Variants in SMARCA4 observed in about 807,000 individuals in gnomAD.
The protein encoded by SMARCA4 is SWI/SNF related BAF chromatin remodeling complex subunit ATPase 4.
Under a neutral mutation model 193.9 loss-of-function variants are expected in SMARCA4, and 31 were observed. That is an observed-to-expected ratio of 0.16 (90% CI 0.12 to 0.22). The LOEUF (loss-of-function observed/expected upper bound fraction) is 0.22, where lower values mean the gene tolerates loss of function less well. SMARCA4 is among the 10% of genes least tolerant of loss of function. The pLI, the probability that SMARCA4 is intolerant of heterozygous loss-of-function variation, is 1.00. For synonymous variants in SMARCA4, 942 were observed against 933.1 expected, an observed-to-expected ratio of 1.01 and a Z score of -0.17; for missense variants, 1,148 against 2,296.0, an observed-to-expected ratio of 0.50 and a Z score of 10.22.
At chr19:11,027,072 C>T (rs1304862839) in intron 23 of SMARCA4, among the ~76,000 whole-genome samples, 2 of 152,218 alleles carry the variant, frequency 1.3e-5, no homozygotes, top group East Asian at 1.9e-4. Context: ...TAGATTTTCA[C>T]CATTGCAAAG....
At chr19:11,001,343 C>T (rs1261420617) in intron 11 of SMARCA4, among the ~76,000 whole-genome samples, 2 of 152,260 alleles carry the variant, frequency 1.3e-5, no homozygotes, top group East Asian at 1.9e-4. Flanking sequence ...GTGGTGTGCA[C>T]TTGCGGTCCC....
rs770573833 is a variant in SMARCA4 at position 10,985,239 on chromosome 19, T to C, written c.223-34T>C. 6.2e-7 allele frequency: 1 copy of C among 1,613,390 alleles called. No homozygotes were observed. On this transcript the variant is annotated intron_variant, in intron 2 of 34. Coordinates refer to ENST00000344626, the MANE Select transcript of SMARCA4 (RefSeq NM_003072.5). The surrounding 1 kb of genome is among the most constrained non-coding windows in gnomAD (Gnocchi z 4.5). ...CTGCGCTGCCACCTCACGTTCCACATGCTGACCCTGCCTTGCCATGGTCCC... is the reference window on the plus strand; with the variant it reads ...CTGCGCTGCCACCTCACGTTCCACACGCTGACCCTGCCTTGCCATGGTCCC...
rs1056942688 is a variant in SMARCA4 at position 10,986,711 on chromosome 19, G to T, written c.760+118G>T. ...GGTTCCCCGGTTTGGGATTGCACGG[G>T]CCCATACTGCACTTCTGGGTGCTCG... On this transcript the variant is annotated intron_variant, in intron 4 of 34. Transcript: ENST00000344626. The surrounding 1 kb of genome is among the most constrained non-coding windows in gnomAD (Gnocchi z 6.7). The T allele has an allele frequency of 6.3e-6, 9 of 1,430,726 alleles. No homozygotes were observed. Among genetic ancestry groups the T allele is most frequent in the Non-Finnish European group, 8.5e-6 (9 of 1,055,500 alleles). The allele number at this position is 1,430,726 out of a possible 1,614,324, so 88.6% of individuals were successfully genotyped here.
At chr19:11,015,760 A>C (rs1405884953) in intron 16 of SMARCA4, among the ~76,000 whole-genome samples, 5 of 152,104 alleles carry the variant, frequency 3.3e-5, no homozygotes, top group Non-Finnish European at 1.5e-5. Flanking sequence ...TAATCCCAGC[A>C]CTTTGGGAGG....
chr19:10,984,340 G>C lies in SMARCA4; in HGVS notation c.189G>C (p.Gly63=), dbSNP rs1555751018. The C allele has an allele frequency of 6.3e-7, 1 of 1,596,980 alleles. No homozygotes were observed. The highest frequency in any genetic ancestry group is 8.5e-7 in the Non-Finnish European group (1 of 1,171,934). ...GHPIPTQGPG[G]YPQDNMHQMH... ...CCATCCCCACCCAGGGGCCTGGAGG[G>C]TACCCTCAGGACAACATGCACCAGA... Residue 63 remains glycine (G), a synonymous_variant, in exon 2 of 35, where the codon GGG becomes GGC. Coordinates refer to ENST00000344626, the MANE Select transcript of SMARCA4 (RefSeq NM_003072.5). This position sits in a 1 kb window ranked among gnomAD's most constrained non-coding sequence, Gnocchi z 4.3.
intron 12 of SMARCA4, 64 bp from the exon 13 acceptor site, chr19:11,003,276 G>A (rs1489653166): frequency 1.2e-6 from 2 of 1,605,920 alleles, no homozygotes; most frequent in South Asian, 1.1e-5. Context: ...GGCAGGTTTG[G>A]TAGGGAAAGT....
intron 34 of SMARCA4, among the ~76,000 whole-genome samples, chr19:11,061,204 A>ATATAT (rs1471127800): frequency 9.3e-4 from 42 of 45,184 alleles, no homozygotes; most frequent in Admixed American, 2.1e-3. Flanking sequence ...AAAAAAAAAA[A>ATATAT]ATATATATAT....
chr19:10,968,672 T>C (rs1327577764), intron 1 of SMARCA4, among the ~76,000 whole-genome samples: 1 of 152,162 alleles, frequency 6.6e-6, no homozygotes, highest in East Asian at 1.9e-4. Context: ...AGTTTTCTCT[T>C]TGCCACTGGC....
At chr19:11,045,640 C>A (rs933937669) in intron 30 of SMARCA4, among the ~76,000 whole-genome samples, 1 of 151,562 alleles carries the variant, frequency 6.6e-6, no homozygotes, top group Non-Finnish European at 1.5e-5. Flanking sequence ...AGTGTTAGTC[C>A]ACTTTTTTTT....
chr19:10,982,286 T>C (rs1347979055), intron 1 of SMARCA4, among the ~76,000 whole-genome samples: 1 of 151,930 alleles, frequency 6.6e-6, no homozygotes, highest in African/African-American at 2.4e-5. Context: ...CCAGCCTGAA[T>C]AACATGGTGA....
In SMARCA4 at chr19:11,058,386, G is replaced by A. The variant is rs761432584; in HGVS notation, c.4533+23G>A. ...AAGGTAACCCTGACGTTGTACCTGC[G>A]CCCCGCATGTGCCCGGAGGGGAGTC... On this transcript the variant is annotated intron_variant, in intron 31 of 34. Transcript: ENST00000344626. The surrounding 1 kb of genome is among the most constrained non-coding windows in gnomAD (Gnocchi z 5.8). 2.0e-4 allele frequency: 308 copies of A among 1,515,054 alleles called. No homozygotes were observed. The highest frequency in any genetic ancestry group is 2.6e-4 in the Non-Finnish European group (284 of 1,090,920). The allele number at this position is 1,515,054 out of a possible 1,614,324, so 93.9% of individuals were successfully genotyped here. A position where few individuals can be genotyped will look rare whatever the true frequency, so the allele number is the denominator to read the frequency against.
chr19:10,986,806 T>C lies in SMARCA4; in HGVS notation c.761-99T>C, dbSNP rs1159146178. The C allele has an allele frequency of 1.4e-5, 17 of 1,247,708 alleles. No individual in the cohort carries two copies. The highest frequency in any genetic ancestry group is 1.9e-5 in the Non-Finnish European group (16 of 856,634). The allele number at this position is 1,247,708 out of a possible 1,614,324, so 77.3% of individuals were successfully genotyped here. On this transcript the variant is annotated intron_variant, in intron 4 of 34. Transcript: ENST00000344626. The surrounding 1 kb of genome is among the most constrained non-coding windows in gnomAD (Gnocchi z 6.7). Reference sequence around the variant, plus strand: ...CCCTGGGGCCGCTGGTTAATAGGTGTATCTGCTGTGTCCCCTGGAGCCAGG... The same window carrying C: ...CCCTGGGGCCGCTGGTTAATAGGTGCATCTGCTGTGTCCCCTGGAGCCAGG...
Position 10,974,264 on chromosome 19 carries a change from T to C in SMARCA4, c.-31-9857T>C, listed in dbSNP as rs185454394. On this transcript the variant is annotated intron_variant, in intron 1 of 34. Coordinates refer to ENST00000344626, the MANE Select transcript of SMARCA4 (RefSeq NM_003072.5). ...GAAAGAAGAGACCAGACCTCTTCTC[T>C]TCCTCAAGCAGTCTCCTTCCACATT... 1.2e-3 allele frequency among the ~76,000 whole-genome samples: 182 copies of C among 152,242 alleles called. 3 individuals carry two copies. The highest frequency in any genetic ancestry group is 0.01 in the Admixed American group (157 of 15,276).
chr19:11,027,220 A>T (rs2090326048), intron 23 of SMARCA4, among the ~76,000 whole-genome samples: 1 of 152,208 alleles, frequency 6.6e-6, no homozygotes, highest in African/African-American at 2.4e-5. Flanking sequence ...GAGTTGTGGA[A>T]CAGGGTCCTG....
intron 30 of SMARCA4, among the ~76,000 whole-genome samples, chr19:11,056,553 TTCC>T (rs1036094893): frequency 1.3e-5 from 2 of 152,154 alleles, no homozygotes; most frequent in African/African-American, 2.4e-5. Flanking sequence ...CCACCTCAAT[TTCC>T]TCCTCAGCAC....
At chr19:11,012,688 G>GAGATGTGTATT (rs2088963244) in intron 15 of SMARCA4, 2 of 510,600 alleles carry the variant, frequency 3.9e-6, no homozygotes, top group African/African-American at 3.8e-5. Flanking sequence ...GTGAGCTGTT[G>GAGATGTGTATT]AGATGTGTAT....
In SMARCA4 at chr19:10,986,570, C is replaced by T. The variant is rs1366344437; in HGVS notation, c.737C>T (p.Pro246Leu). ...CCCGGCCCGGGTCCCGGCCCGGCAC[C>T]TCCAAATTACAGCAGGCCTCATGGT... ...PGPGPGPGPA[P>L]PNYSRPHGMG... The change falls in exon 4 of 35, where the codon CCT (proline) becomes CTT (leucine). Residue 246 changes from proline to leucine, a missense_variant. Physicochemically the swap from Pro to Leu is moderately conservative, Grantham distance 98. Around this residue, in one of 17 missense-constraint regions of SMARCA4, gnomAD observed 257 missense variants for 276.5 expected, o/e 0.93. Transcript: ENST00000344626. The surrounding 1 kb of genome is among the most constrained non-coding windows in gnomAD (Gnocchi z 6.7). The T allele has an allele frequency of 6.5e-7, 1 of 1,537,060 alleles. No homozygotes were observed. The highest frequency in any genetic ancestry group is 1.4e-5 in the African/African-American group (1 of 73,034).
intron 1 of SMARCA4, among the ~76,000 whole-genome samples, chr19:10,968,372 T>G (rs2084403658): frequency 6.6e-6 from 1 of 152,150 alleles, no homozygotes; most frequent in Admixed American, 6.6e-5. Context: ...CATAGCTTCA[T>G]TTATGTATGT....
rs34910090 is a variant in SMARCA4 at position 11,045,920 on chromosome 19, T to TA, written c.4424+4368dup. 6.1e-4 allele frequency among the ~76,000 whole-genome samples: 92 copies of TA among 150,188 alleles called. No individual in the cohort carries two copies. In the East Asian group the frequency reaches 0.015, roughly 25 times the overall value. ...AACATAGTGAGACTCTGTCTCTATT[T>TA]AAAAAAAAGAAGAAAAAAAAAGTCT... On this transcript the variant is annotated intron_variant, in intron 30 of 34. Coordinates refer to ENST00000344626, the MANE Select transcript of SMARCA4 (RefSeq NM_003072.5).
Sources: gnomAD v4.1 joint callset for allele counts (sites outside exome capture counted in the v4.1 genomes callset) on GRCh38, gnomAD v4.1.1 for gene constraint, gnomAD v4.1.1 regional missense constraint, Gnocchi (gnomAD v3.1) non-coding constraint, MANE v1.5 for transcripts, NCBI Gene and HGNC (gene_info 2026-07-23, HGNC 2026-07-21) for gene names.